SLC26A7: variants seen among roughly 807,000 people sequenced by gnomAD.
SLC26A7 encodes anion exchange transporter.
In SLC26A7, 59 loss-of-function variants were observed where a neutral mutation model predicts 82.5. The ratio of observed to expected loss-of-function variants is 0.72; its 90% CI spans 0.58 to 0.89. The LOEUF (loss-of-function observed/expected upper bound fraction) is 0.89, where lower values mean the gene tolerates loss of function less well. SLC26A7 is among the 40% of genes least tolerant of loss of function. SLC26A7 has a pLI of 0.00. For missense variants in SLC26A7, 820 were observed against 793.0 expected, an observed-to-expected ratio of 1.03 and a Z score of -0.41; for synonymous variants, 271 against 274.3, an observed-to-expected ratio of 0.99 and a Z score of 0.12.
At chr8:91,389,668 C>T (rs1814900046) in intron 16 of SLC26A7, among the ~76,000 whole-genome samples, 1 of 152,010 alleles carries the variant, frequency 6.6e-6, no homozygotes, top group Non-Finnish European at 1.5e-5. Flanking sequence ...AGAATATTTG[C>T]ATGGGGTAGT....
intron 4 of SLC26A7, among the ~76,000 whole-genome samples, chr8:91,300,368 G>A (rs926215182): frequency 6.6e-6 from 1 of 151,572 alleles, no homozygotes; most frequent in Non-Finnish European, 1.5e-5. Flanking sequence ...TTTAGTATTT[G>A]AATTAGTTTT....
rs993642667 is a variant in SLC26A7 at position 91,352,994 on chromosome 8, T to G, written c.1312T>G (p.Trp438Gly). 5 of 1,602,442 alleles carry G rather than the reference T, an allele frequency of 3.1e-6. No individual in the cohort carries two copies. The highest frequency in any genetic ancestry group is 4.3e-6 in the Non-Finnish European group (5 of 1,173,556). Residue 438 changes from tryptophan (W) to glycine (G), a missense_variant and splice_region_variant, in exon 11 of 19, where the codon TGG becomes GGG. Trp to Gly is a radical substitution (Grantham distance 184). Transcript: ENST00000276609. ...KKYWNVDKID[W>G]GIWVSTYVFT... ...ATATTGGAATGTGGATAAAATCGAT[T>G]GGGTAAGTAGAAATTTGACCTAAAA... is the stretch of plus-strand genomic sequence containing the variant.
chr8:91,376,193 C>T (rs1349160264), intron 15 of SLC26A7, among the ~76,000 whole-genome samples: 1 of 152,112 alleles, frequency 6.6e-6, no homozygotes, highest in Non-Finnish European at 1.5e-5. Context: ...TCTTTGGAAT[C>T]CACATTTTGA....
chr8:91,368,768 T>G (rs1814271581), intron 14 of SLC26A7, among the ~76,000 whole-genome samples: 1 of 152,162 alleles, frequency 6.6e-6, no homozygotes, highest in Admixed American at 6.5e-5. Context: ...TCAGGTTCAC[T>G]GAATATCTCT....
chr8:91,301,026 T>G, intron 4 of SLC26A7, among the ~76,000 whole-genome samples: 1 of 152,230 alleles, frequency 6.6e-6, no homozygotes, highest in East Asian at 1.9e-4. Flanking sequence ...CTCAAAACTA[T>G]CATTTATTAT....
In SLC26A7 at chr8:91,389,370, T is replaced by C. The variant is rs1483498984; in HGVS notation, c.1708T>C (p.Cys570Arg). ...TTCACAGTCCTGCCCTAATGAGAAGTGTTATTTAATCCTGGATTGCAGTGG... is the reference window on the plus strand; with the variant it reads ...TTCACAGTCCTGCCCTAATGAGAAGCGTTATTTAATCCTGGATTGCAGTGG... ...EASQSCPNEK[C>R]YLILDCSGFT... The change falls in exon 16 of 19, where the codon TGT (cysteine) becomes CGT (arginine). Residue 570 changes from cysteine (C) to arginine (R), a missense_variant. Transcript: ENST00000276609. 3.1e-6 allele frequency: 5 copies of C among 1,613,928 alleles called. No homozygotes were observed. In the African/African-American group the frequency reaches 4.0e-5, roughly 13 times the overall value.
chr8:91,273,956 A>G (rs923852517), intron 2 of SLC26A7, among the ~76,000 whole-genome samples: 3 of 152,168 alleles, frequency 2.0e-5, no homozygotes, highest in Admixed American at 2.0e-4. Context: ...GGATTTGGAG[A>G]CACCATAAGA....
intron 3 of SLC26A7, among the ~76,000 whole-genome samples, chr8:91,294,655 C>T (rs751471305): frequency 1.3e-5 from 2 of 152,266 alleles, no homozygotes; most frequent in Admixed American, 1.3e-4. Flanking sequence ...TTTGCCAACG[C>T]CTCTTTGAGA....
intron 4 of SLC26A7, among the ~76,000 whole-genome samples, chr8:91,297,512 C>G (rs2130779413): frequency 6.6e-6 from 1 of 152,050 alleles, no homozygotes; most frequent in East Asian, 1.9e-4. Context: ...TTTTCATGGC[C>G]TTTTATTACA....
At chr8:91,273,896 C>A (rs1811337554) in intron 2 of SLC26A7, among the ~76,000 whole-genome samples, 6 of 152,146 alleles carry the variant, frequency 3.9e-5, no homozygotes, top group Admixed American at 3.3e-4. Flanking sequence ...AGTTGAGGAC[C>A]TTGTAATTCA....
intron 8 of SLC26A7, 53 bp downstream of exon 8, chr8:91,340,604 A>G (rs941230066): frequency 6.2e-7 from 1 of 1,600,570 alleles, no homozygotes; most frequent in African/African-American, 1.3e-5. Flanking sequence ...TGCACTGTGC[A>G]CTCCCAGATC....
In SLC26A7 at chr8:91,394,036, T is replaced by A. The variant is rs769727201; in HGVS notation, c.1932T>A (p.Asn644Lys). 7 of 1,612,308 alleles carry A rather than the reference T, an allele frequency of 4.3e-6. No individual in the cohort carries two copies. The African/African-American group carries it at 9.3e-5, about 22-fold the overall frequency. The change falls in exon 18 of 19, where the codon AAT becomes AAA. Residue 644 changes from asparagine (N) to lysine (K), a missense_variant. Asn to Lys is a moderately conservative substitution (Grantham distance 94, BLOSUM62 0). Transcript: ENST00000276609. ...VSAAISHIHS[N>K]KNLSKLSDHS... ...CTGCAATAAGTCATATCCATTCAAATAAGGTGAGTTGATTAAGTTGGGCTG... is the reference window on the plus strand; with the variant it reads ...CTGCAATAAGTCATATCCATTCAAAAAAGGTGAGTTGATTAAGTTGGGCTG...
intron 2 of SLC26A7, among the ~76,000 whole-genome samples, chr8:91,237,491 G>T (rs994479163): frequency 1.3e-5 from 2 of 152,098 alleles, no homozygotes; most frequent in African/African-American, 4.8e-5. Flanking sequence ...TTCTCCCTGA[G>T]AAATATATAT....
intron 15 of SLC26A7, among the ~76,000 whole-genome samples, chr8:91,378,421 T>C (rs1270897836): frequency 2.0e-5 from 3 of 146,862 alleles, no homozygotes; most frequent in Non-Finnish European, 4.5e-5. Context: ...ATATAAATAA[T>C]ATATATTATA....
At chr8:91,238,531 T>A (rs967513484) in intron 2 of SLC26A7, among the ~76,000 whole-genome samples, 43 of 149,212 alleles carry the variant, frequency 2.9e-4, no homozygotes, top group African/African-American at 8.3e-4. Context: ...GAGAAAGGTT[T>A]TATATATATA....
intron 2 of SLC26A7, among the ~76,000 whole-genome samples, chr8:91,228,278 T>C (rs1272726167): frequency 6.6e-6 from 1 of 152,146 alleles, no homozygotes; most frequent in African/African-American, 2.4e-5. Flanking sequence ...GTAGTAAACA[T>C]AGGTGTTGGC....
chr8:91,354,892 T>C (rs1010815997), intron 11 of SLC26A7, among the ~76,000 whole-genome samples: 1 of 152,128 alleles, frequency 6.6e-6, no homozygotes, highest in African/African-American at 2.4e-5. Context: ...CATTTAGTGG[T>C]TACCTTTAAT....
rs76143341 is a variant in SLC26A7, at chr8:91,294,580, G to A, written c.305-951G>A. Among the ~76,000 whole-genome samples the A allele has an allele frequency of 5.7e-3, 866 of 152,238 alleles. 8 individuals are homozygous for A. The highest frequency in any genetic ancestry group is 0.019 in the African/African-American group (799 of 41,504). ...AATCTCACTTATGACCAGAAGCAAA[G>A]TAAGATCTTCAAGTAATGAGAGCAA... On this transcript the variant is annotated intron_variant, in intron 3 of 18. Transcript: ENST00000276609.
intron 16 of SLC26A7, among the ~76,000 whole-genome samples, chr8:91,391,000 G>C (rs1221853475): frequency 6.6e-6 from 1 of 152,200 alleles, no homozygotes; most frequent in East Asian, 1.9e-4. Context: ...TCAGAAAGTG[G>C]AAACCAGACA....
Sources: allele counts gnomAD v4.1 joint callset (sites outside exome capture counted in the v4.1 genomes callset), GRCh38; gene constraint gnomAD v4.1.1; transcripts MANE v1.5; gene names NCBI Gene and HGNC (gene_info 2026-07-23, HGNC 2026-07-21).